The following ZBTB7C variants were observed in gnomAD, a reference collection of about 807,000 sequenced individuals.
The protein encoded by ZBTB7C is zinc finger and BTB domain-containing protein 7C.
ZBTB7C carries 8 observed loss-of-function variants against 25.7 expected under a neutral mutation model. The ratio of observed to expected loss-of-function variants is 0.31; its 90% confidence interval spans 0.18 to 0.56. The LOEUF (loss-of-function observed/expected upper bound fraction) is 0.56. Among genes scored for constraint, ZBTB7C ranks in the 20% least tolerant of loss-of-function variants. The pLI, the probability that ZBTB7C is intolerant of heterozygous loss-of-function variation, is 0.91. For missense variants in ZBTB7C, 824 were observed against 855.2 expected, an observed-to-expected ratio of 0.96 and a Z score of 0.46; for synonymous variants, 394 against 369.0, an observed-to-expected ratio of 1.07 and a Z score of -0.78.
chr18:48,048,240 G>A (rs2036550484), intron 3 of ZBTB7C, among the ~76,000 whole-genome samples: 1 of 152,174 alleles, frequency 6.6e-6, no homozygotes, highest in Admixed American at 6.5e-5. Context: ...AGGAACAGGG[G>A]CCTTGTCTGA....
intron 2 of ZBTB7C, among the ~76,000 whole-genome samples, chr18:48,317,767 A>G (rs80159927): frequency 0.038 from 5,808 of 152,250 alleles, 139 homozygotes; most frequent in Middle Eastern, 0.058. Flanking sequence ...GTGGTTCTCA[A>G]TCCTGGCTAA....
At chr18:48,242,186 T>C (rs528677491) in intron 2 of ZBTB7C, among the ~76,000 whole-genome samples, 7 of 152,104 alleles carry the variant, frequency 4.6e-5, no homozygotes, top group African/African-American at 1.7e-4. Flanking sequence ...TAACAAGCAG[T>C]GAGATTGAAA....
intron 1 of ZBTB7C, among the ~76,000 whole-genome samples, chr18:48,339,301 T>G (rs184860486): frequency 6.5e-4 from 99 of 152,326 alleles, no homozygotes; most frequent in Admixed American, 4.6e-3. Context: ...CAGGCCTCAG[T>G]GGGCCATTGC....
At chr18:48,241,867 T>TA (rs932292838) in intron 2 of ZBTB7C, among the ~76,000 whole-genome samples, 100 of 151,602 alleles carry the variant, frequency 6.6e-4, no homozygotes, top group African/African-American at 2.4e-3. Context: ...AGAGCAGAAC[T>TA]AAATGACATT....
At chr18:48,327,486 C>A (rs2046246816) in intron 2 of ZBTB7C, among the ~76,000 whole-genome samples, 1 of 152,164 alleles carries the variant, frequency 6.6e-6, no homozygotes, top group African/African-American at 2.4e-5. Context: ...CTCACTGATC[C>A]CCAGCTCACA....
At chr18:48,261,243 A>G (rs1023056855) in intron 2 of ZBTB7C, among the ~76,000 whole-genome samples, 5 of 152,182 alleles carry the variant, frequency 3.3e-5, no homozygotes, top group African/African-American at 1.2e-4. Context: ...CTGCAGGGTC[A>G]GCATTATTAT....
rs754356441 is a variant in ZBTB7C at position 48,040,152 on chromosome 18, C to T, written c.956G>A (p.Gly319Glu). The change falls in exon 4 of 5, where the codon GGG (glycine) becomes GAG (glutamate). Residue 319 changes from glycine to glutamate, a missense_variant. By Grantham distance (98) the Gly-to-Glu change is moderately conservative (BLOSUM62 -2). This residue lies in a region of ZBTB7C where 316 missense variants were observed against 299.2 expected (regional missense o/e 1.06). Transcript: ENST00000590800. Reference sequence around the variant, plus strand: ...CGCCTTGATGGGTCCCAGAGGCCCCCCCGGCAGGTCAGGGAACATGTCCTT... The same window carrying T: ...CGCCTTGATGGGTCCCAGAGGCCCCTCCGGCAGGTCAGGGAACATGTCCTT... ...FFKDMFPDLPGGPLGPIKAEN... is the reference protein window; with the variant it reads ...FFKDMFPDLPEGPLGPIKAEN... The T allele has an allele frequency of 1.3e-6, 2 of 1,579,126 alleles. No homozygotes were observed. Among genetic ancestry groups the T allele is most frequent in the South Asian group, 2.4e-5 (2 of 84,546 alleles).
intron 1 of ZBTB7C, among the ~76,000 whole-genome samples, chr18:48,391,852 T>C: frequency 6.6e-6 from 1 of 152,194 alleles, no homozygotes. Flanking sequence ...AGCACTCTTG[T>C]CTCTTTGGCT....
intron 2 of ZBTB7C, among the ~76,000 whole-genome samples, chr18:48,188,331 G>A (rs979062334): frequency 1.3e-5 from 2 of 152,198 alleles, no homozygotes; most frequent in African/African-American, 4.8e-5. Flanking sequence ...GGTGGAGGGG[G>A]AAGCAACACA....
chr18:48,150,367 AGGT>A (rs2040637110), intron 3 of ZBTB7C: 1 of 152,236 alleles, frequency 6.6e-6, no homozygotes, highest in African/African-American at 2.4e-5. Context: ...AAATCACCTT[AGGT>A]CAGGAGTTCG....
At chr18:48,098,468 C>G (rs964383205) in intron 3 of ZBTB7C, among the ~76,000 whole-genome samples, 10 of 152,184 alleles carry the variant, frequency 6.6e-5, no homozygotes, top group Admixed American at 3.3e-4. Flanking sequence ...TCCCAGTTCC[C>G]TGTGTGGCTT....
In ZBTB7C at chr18:48,029,637, G is replaced by T. The variant is rs1432218921; in HGVS notation, c.1483C>A (p.Pro495Thr). ...GCCTTGTCGGGGGCCGGGCCGCCGGGCCCGAAGAGCAGGCTGGCGGCCCTC... is the reference window on the plus strand; with the variant it reads ...GCCTTGTCGGGGGCCGGGCCGCCGGTCCCGAAGAGCAGGCTGGCGGCCCTC... ...AWRAASLLFG[P>T]GGPAPDKAAF... The change falls in exon 5 of 5, where the codon CCC (proline) becomes ACC (threonine). Residue 495 changes from proline (P) to threonine (T), a missense_variant. Physicochemically the swap from Pro to Thr is conservative, Grantham distance 38 (BLOSUM62 -1). Coordinates refer to ENST00000590800, the MANE Select transcript of ZBTB7C (RefSeq NM_001318841.2). 2 of 1,526,026 alleles carry T rather than the reference G, an allele frequency of 1.3e-6. No individual in the cohort carries two copies. Among genetic ancestry groups the T allele is most frequent in the Non-Finnish European group, 1.7e-6 (2 of 1,145,042 alleles). The allele number at this position is 1,526,026 out of a possible 1,614,324, so 94.5% of individuals were successfully genotyped here. A position where few individuals can be genotyped will look rare whatever the true frequency, so the allele number is the denominator to read the frequency against.
At chr18:48,189,741 T>C (rs2042148492) in intron 2 of ZBTB7C, among the ~76,000 whole-genome samples, 1 of 152,198 alleles carries the variant, frequency 6.6e-6, no homozygotes, top group Non-Finnish European at 1.5e-5. Flanking sequence ...CTGGGTGCTC[T>C]CAATCCCAAC....
At chr18:48,396,787 CAAG>C (rs2048037128) in intron 1 of ZBTB7C, among the ~76,000 whole-genome samples, 1 of 152,214 alleles carries the variant, frequency 6.6e-6, no homozygotes, top group African/African-American at 2.4e-5. Flanking sequence ...GAATATAATA[CAAG>C]AAGAATTCTT....
intron 3 of ZBTB7C, among the ~76,000 whole-genome samples, chr18:48,098,464 T>C (rs2038716799): frequency 6.6e-6 from 1 of 152,194 alleles, no homozygotes; most frequent in Non-Finnish European, 1.5e-5. Context: ...TGCCTCCCAG[T>C]TCCCTGTGTG....
At chr18:48,262,626 A>G (rs959130490) in intron 2 of ZBTB7C, among the ~76,000 whole-genome samples, 2 of 152,194 alleles carry the variant, frequency 1.3e-5, no homozygotes, top group African/African-American at 4.8e-5. Context: ...AATCATCAGC[A>G]TACAGGGAAA....
chr18:48,249,640 T>C (rs1015084298), intron 2 of ZBTB7C, among the ~76,000 whole-genome samples: 3 of 152,156 alleles, frequency 2.0e-5, no homozygotes, highest in Admixed American at 6.5e-5. Flanking sequence ...TTTTAAATGT[T>C]CTCTTTAAAT....
intron 2 of ZBTB7C, among the ~76,000 whole-genome samples, chr18:48,288,921 A>T (rs527501120): frequency 2.0e-5 from 3 of 152,354 alleles, no homozygotes; most frequent in African/African-American, 7.2e-5. Flanking sequence ...ATAAAAACCA[A>T]TTATATTATT....
At chr18:48,300,246 A>ATCT (rs2045509572) in intron 2 of ZBTB7C, among the ~76,000 whole-genome samples, 1 of 152,150 alleles carries the variant, frequency 6.6e-6, no homozygotes, top group South Asian at 2.1e-4. Context: ...TCCTTAAGTG[A>ATCT]TCTGAAGGTG....
Sources: allele counts gnomAD v4.1 joint callset (sites outside exome capture counted in the v4.1 genomes callset), GRCh38; gene constraint gnomAD v4.1.1; regional missense constraint gnomAD v4.1.1; transcripts MANE v1.5; gene names NCBI Gene and HGNC (gene_info 2026-07-23, HGNC 2026-07-21).